DAB1: variants seen among roughly 807,000 people sequenced by gnomAD.
DAB1 encodes the protein DAB adaptor protein 1.
DAB1 carries 15 observed loss-of-function variants against 64.6 expected under a neutral mutation model. The observed-to-expected ratio is 0.23, with a 90% confidence interval of 0.16 to 0.36. The LOEUF is 0.36. Ranked by LOEUF, DAB1 falls within the 10% of genes least tolerant of loss-of-function variation. DAB1 has a pLI of 1.00. For synonymous variants in DAB1, 235 were observed against 251.9 expected, an observed-to-expected ratio of 0.93 and a Z score of 0.64; for missense variants, 596 against 706.7, an observed-to-expected ratio of 0.84 and a Z score of 1.78.
chr1:58,014,832 G>C (rs887207857), intron 5 of DAB1, among the ~76,000 whole-genome samples: 2 of 152,158 alleles, frequency 1.3e-5, no homozygotes, highest in African/African-American at 4.8e-5. Flanking sequence ...TAACAGAGAG[G>C]CTGACAGGAA....
At chr1:58,540,037 G>A (rs12043436) in intron 1 of DAB1, among the ~76,000 whole-genome samples, 45,724 of 151,954 alleles carry the variant, frequency 0.3, 7,827 homozygotes, top group Non-Finnish European at 0.37. Flanking sequence ...CTGGGAAAGG[G>A]CCACCTGAAA....
At chr1:57,443,980 TCTTGATGAAGTCTTTCCAGGC>T (rs1327808480) in intron 7 of DAB1, among the ~76,000 whole-genome samples, 2 of 152,206 alleles carry the variant, frequency 1.3e-5, no homozygotes, top group African/African-American at 4.8e-5. Flanking sequence ...GTTTTTAAAA[TCTTGATGAAGTCTTTCCAGGC>T]CTTCTATCAT....
At chr1:57,463,473 A>C (rs1686855329) in intron 7 of DAB1, among the ~76,000 whole-genome samples, 1 of 152,154 alleles carries the variant, frequency 6.6e-6, no homozygotes, top group Non-Finnish European at 1.5e-5. Context: ...GGGAGGCATA[A>C]GGAAGAAATT....
At chr1:57,904,468 C>T (rs1468351776) in intron 5 of DAB1, among the ~76,000 whole-genome samples, 1 of 152,062 alleles carries the variant, frequency 6.6e-6, no homozygotes, top group Non-Finnish European at 1.5e-5. Context: ...TATCAAAGCA[C>T]AGAGAGACAC....
chr1:58,450,166 T>A (rs569492356), intron 3 of DAB1, among the ~76,000 whole-genome samples: 295 of 152,290 alleles, frequency 1.9e-3, no homozygotes, highest in Non-Finnish European at 2.5e-3. Context: ...AGAGCAGCTA[T>A]CTAAGGACTC....
intron 7 of DAB1, among the ~76,000 whole-genome samples, chr1:57,582,979 A>T (rs1301785771): frequency 6.6e-6 from 1 of 152,172 alleles, no homozygotes; most frequent in Non-Finnish European, 1.5e-5. Context: ...TCTTCCCTAT[A>T]TGCTGGAATG....
intron 4 of DAB1, among the ~76,000 whole-genome samples, chr1:58,281,453 AC>A (rs1661561204): frequency 6.6e-6 from 1 of 150,958 alleles, no homozygotes; most frequent in East Asian, 2.0e-4. Context: ...CTCCACTAGC[AC>A]CCCCCAATCC....
intron 1 of DAB1, among the ~76,000 whole-genome samples, chr1:57,402,941 C>T (rs1683364872): frequency 6.6e-6 from 1 of 152,204 alleles, no homozygotes; most frequent in South Asian, 2.1e-4. Flanking sequence ...CCCCCAACCC[C>T]TGCCCAACAA....
At chr1:58,020,731 C>T (rs930505051) in intron 5 of DAB1, among the ~76,000 whole-genome samples, 7 of 152,050 alleles carry the variant, frequency 4.6e-5, no homozygotes, top group Non-Finnish European at 8.8e-5. Context: ...CAGCCAGGCG[C>T]GGTGGCTCAC....
intron 1 of DAB1, among the ~76,000 whole-genome samples, chr1:57,320,083 A>C (rs1035905559): frequency 6.6e-6 from 1 of 152,096 alleles, no homozygotes; most frequent in African/African-American, 2.4e-5. Flanking sequence ...TTTATTCCTT[A>C]AGTACTGTGA....
chr1:58,209,677 C>T (rs562011477), intron 4 of DAB1, among the ~76,000 whole-genome samples: 2 of 152,244 alleles, frequency 1.3e-5, no homozygotes, highest in Admixed American at 1.3e-4. Flanking sequence ...AAGAAAATGT[C>T]TGATCTAATT....
At chr1:58,335,741 C>T (rs1169987584) in intron 4 of DAB1, among the ~76,000 whole-genome samples, 1 of 152,174 alleles carries the variant, frequency 6.6e-6, no homozygotes, top group Non-Finnish European at 1.5e-5. Flanking sequence ...TGCTGATACA[C>T]TGGCTATAGG....
intron 1 of DAB1, among the ~76,000 whole-genome samples, chr1:57,366,293 T>A (rs1415702851): frequency 6.6e-6 from 1 of 152,260 alleles, no homozygotes; most frequent in African/African-American, 2.4e-5. Flanking sequence ...ATATGCTTCC[T>A]TCCATTTTTG....
At chr1:57,621,764 C>T (rs1470911719) in intron 7 of DAB1, among the ~76,000 whole-genome samples, 1 of 152,214 alleles carries the variant, frequency 6.6e-6, no homozygotes, top group Non-Finnish European at 1.5e-5. Context: ...TTCCAAAGTA[C>T]TAATGCTTCC....
chr1:57,180,854 C>T (rs888492759), intron 2 of DAB1, among the ~76,000 whole-genome samples: 61 of 152,326 alleles, frequency 4.0e-4, no homozygotes, highest in African/African-American at 1.4e-3. Context: ...TCCTCTACCC[C>T]AGTCTCCTGT....
chr1:57,159,534 C>A (rs1660541595), intron 2 of DAB1, among the ~76,000 whole-genome samples: 1 of 152,066 alleles, frequency 6.6e-6, no homozygotes, highest in Non-Finnish European at 1.5e-5. Context: ...TTCTGTGTAT[C>A]CCATACAACA....
intron 1 of DAB1, among the ~76,000 whole-genome samples, chr1:57,874,611 T>C: frequency 6.6e-6 from 1 of 152,052 alleles, no homozygotes; most frequent in East Asian, 1.9e-4. Context: ...GAAACAGCCA[T>C]AAATCAGCCA....
intron 6 of DAB1, among the ~76,000 whole-genome samples, chr1:57,758,002 A>C (rs1648898462): frequency 6.6e-6 from 1 of 152,166 alleles, no homozygotes; most frequent in Non-Finnish European, 1.5e-5. Flanking sequence ...AAAATTGTAG[A>C]GATGGGGTCT....
chr1:58,521,449 TA>T (rs1646263308), intron 2 of DAB1, among the ~76,000 whole-genome samples: 1 of 150,760 alleles, frequency 6.6e-6, no homozygotes, highest in South Asian at 2.1e-4. Context: ...GTAACTGACA[TA>T]ACAGAAAACA....
Sources: gnomAD v4.1 joint callset for allele counts (sites outside exome capture counted in the v4.1 genomes callset) on GRCh38, gnomAD v4.1.1 for gene constraint, MANE v1.5 for transcripts, NCBI Gene and HGNC (gene_info 2026-07-23, HGNC 2026-07-21) for gene names.